Variants in RABEP1 observed in about 807,000 individuals in gnomAD.
RABEP1 encodes the protein rabaptin, RAB GTPase binding effector protein 1, also known as rab GTPase-binding effector protein 1.
Under a neutral mutation model 123.4 loss-of-function variants are expected in RABEP1, and 51 were observed. That is an observed-to-expected ratio of 0.41 (90% CI 0.33 to 0.52). The LOEUF (loss-of-function observed/expected upper bound fraction) is 0.52. Among genes scored for constraint, RABEP1 ranks in the 20% least tolerant of loss-of-function variants. RABEP1 has a pLI of 0.16. For synonymous variants in RABEP1, 347 were observed against 355.2 expected (o/e 0.98, Z 0.26); for missense variants, 888 against 996.3 (o/e 0.89, Z 1.46).
chr17:5,321,239 G>C (rs546607437), intron 2 of RABEP1, among the ~76,000 whole-genome samples: 1 of 152,118 alleles, frequency 6.6e-6, no homozygotes, highest in African/African-American at 2.4e-5. Context: ...CCCAGGAGAT[G>C]GAGACCAGCC....
rs1466732430 is a variant in RABEP1 at position 5,385,450 on chromosome 17, AG to A, written c.*2228del. ...TGTGGCTTTTAATTGACAGTCACTC[AG>A]CCATTTCTAAGCAGATATAGTAGTA... On this transcript the variant is annotated 3_prime_UTR_variant, in exon 18 of 18. Coordinates refer to ENST00000537505, the MANE Select transcript of RABEP1 (RefSeq NM_004703.6). 2.6e-5 allele frequency: 2 copies of A among 77,448 alleles called. No individual in the cohort carries two copies. Among genetic ancestry groups the A allele is most frequent in the East Asian group, 5.7e-4 (1 of 1,760 alleles). The allele number at this position is 77,448 out of a possible 1,614,324, so 4.8% of individuals were successfully genotyped here. A position where few individuals can be genotyped will look rare whatever the true frequency, so the allele number is the denominator to read the frequency against.
chr17:5,312,237 C>T (rs1291382573), intron 2 of RABEP1, among the ~76,000 whole-genome samples: 4 of 152,200 alleles, frequency 2.6e-5, no homozygotes, highest in African/African-American at 9.7e-5. Context: ...GCAACCTCTG[C>T]CCCACGGTTC....
chr17:5,349,344 A>T (rs191450976), intron 6 of RABEP1, among the ~76,000 whole-genome samples: 1 of 152,326 alleles, frequency 6.6e-6, no homozygotes, highest in African/African-American at 2.4e-5. Flanking sequence ...CAGAAGATAG[A>T]TATATCATAT....
In RABEP1 at chr17:5,308,787, G is replaced by T. The variant is rs752472234; in HGVS notation, c.128G>T (p.Arg43Ile). Residue 43 changes from arginine (R) to isoleucine (I), a missense_variant, in exon 2 of 18, where the codon AGA becomes ATA. Coordinates refer to ENST00000537505, the MANE Select transcript of RABEP1 (RefSeq NM_004703.6). ...QQLEQEFNQK[R>I]AKFKELYLAK... ...CTTGAACAAGAATTTAATCAAAAGA[G>T]AGCAAAATTTAAGGAGTTATATTTG... 1 of 1,610,726 alleles carries T rather than the reference G, an allele frequency of 6.2e-7. No homozygotes were observed. Among genetic ancestry groups the T allele is most frequent in the African/African-American group, 1.3e-5 (1 of 74,922 alleles).
intron 9 of RABEP1, 115 bp downstream of exon 9, chr17:5,361,790 C>A: frequency 3.5e-6 from 3 of 848,636 alleles, no homozygotes; most frequent in Non-Finnish European, 3.6e-6. Flanking sequence ...GCACATGTTG[C>A]CAGCAAGTGG....
intron 6 of RABEP1, among the ~76,000 whole-genome samples, chr17:5,348,948 A>G (rs1908298094): frequency 1.3e-5 from 2 of 152,190 alleles, no homozygotes; most frequent in African/African-American, 4.8e-5. Flanking sequence ...GTAGTTTTTA[A>G]TATATTCACA....
intron 10 of RABEP1, among the ~76,000 whole-genome samples, chr17:5,364,912 ATG>A (rs1909883505): frequency 6.6e-6 from 1 of 152,084 alleles, no homozygotes; most frequent in Non-Finnish European, 1.5e-5. Flanking sequence ...TTCAGATGAG[ATG>A]TGTGTGAAAA....
chr17:5,284,961 T>C (rs57556497), intron 1 of RABEP1, among the ~76,000 whole-genome samples: 3,242 of 152,120 alleles, frequency 0.021, 115 homozygotes, highest in African/African-American at 0.073. Flanking sequence ...GAAGCGATTG[T>C]CTTTGATGAC....
intron 11 of RABEP1, among the ~76,000 whole-genome samples, chr17:5,367,859 A>G (rs1031266445): frequency 1.5e-4 from 23 of 148,956 alleles, no homozygotes; most frequent in Non-Finnish European, 2.6e-4. Flanking sequence ...GTTTTCAAGC[A>G]ATTCTCCTGC....
At chr17:5,288,340 C>A (rs764986753) in intron 1 of RABEP1, among the ~76,000 whole-genome samples, 2 of 151,932 alleles carry the variant, frequency 1.3e-5, no homozygotes, top group Non-Finnish European at 2.9e-5. Flanking sequence ...TAGAGGTGTA[C>A]GGGAACCCAC....
chr17:5,380,371 C>A lies in RABEP1; in HGVS notation c.2279C>A (p.Ser760Tyr). 1 of 1,562,100 alleles carries A rather than the reference C, an allele frequency of 6.4e-7. No individual in the cohort carries two copies. The highest frequency in any genetic ancestry group is 1.2e-5 in the South Asian group (1 of 84,430). The change falls in exon 16 of 18, where the codon TCC becomes TAC. Residue 760 changes from serine (S) to tyrosine (Y), a missense_variant. Transcript: ENST00000537505. ...CTTTTTCCTTTTTCACAGTTGGAGT[C>A]CACATTAAGAGAGAAGTCTCAACAG... is the stretch of plus-strand genomic sequence containing the variant. ...RIKVEKGQLE[S>Y]TLREKSQQLE...
intron 1 of RABEP1, among the ~76,000 whole-genome samples, chr17:5,292,460 T>C (rs2075042686): frequency 6.6e-6 from 1 of 152,120 alleles, no homozygotes; most frequent in South Asian, 2.1e-4. Flanking sequence ...CGATCTTGGC[T>C]CACTGCTACC....
chr17:5,370,771 T>C (rs1910462817), intron 12 of RABEP1, among the ~76,000 whole-genome samples: 1 of 152,136 alleles, frequency 6.6e-6, no homozygotes, highest in African/African-American at 2.4e-5. Flanking sequence ...GGGGACAAAA[T>C]AGTTTCAGAA....
Position 5,316,899 on chromosome 17 carries a change from A to AT in RABEP1, c.163+8086dup, listed in dbSNP as rs1199608653. Among the ~76,000 whole-genome samples, 61 of 150,688 alleles carry AT rather than the reference A, an allele frequency of 4.0e-4. 1 individual carries two copies. The highest frequency in any genetic ancestry group is 7.4e-5 in the Non-Finnish European group (5 of 67,682). ...AATACAGAAATTGATAAATTTAAAAATTTTTTTTTAATGTTTATCTTTTGA... is the reference window on the plus strand; with the variant it reads ...AATACAGAAATTGATAAATTTAAAAATTTTTTTTTTAATGTTTATCTTTTGA... On this transcript the variant is annotated intron_variant, in intron 2 of 17. Transcript: ENST00000537505.
At chr17:5,378,884 T>TA (rs1911216025) in intron 15 of RABEP1, among the ~76,000 whole-genome samples, 1 of 152,202 alleles carries the variant, frequency 6.6e-6, no homozygotes, top group Non-Finnish European at 1.5e-5. Flanking sequence ...GGTTGCATCT[T>TA]ACTGGCCTGC....
At chr17:5,289,791 A>G (rs2075015683) in intron 1 of RABEP1, among the ~76,000 whole-genome samples, 2 of 152,174 alleles carry the variant, frequency 1.3e-5, no homozygotes, top group South Asian at 4.1e-4. Context: ...TTTGTAAATT[A>G]TAACTTGGTA....
At chr17:5,361,903 C>A in intron 9 of RABEP1, 1 of 492,758 alleles carries the variant, frequency 2.0e-6, no homozygotes, top group South Asian at 2.8e-5. Flanking sequence ...TGAATGTGAA[C>A]CTCCCCACCT....
At chr17:5,379,331 G>A (rs147722780) in intron 15 of RABEP1, among the ~76,000 whole-genome samples, 4 of 152,250 alleles carry the variant, frequency 2.6e-5, no homozygotes, top group Non-Finnish European at 5.9e-5. Flanking sequence ...GAGTATCTCC[G>A]ACTTTTCCAG....
At chr17:5,316,504 CA>C (rs1196676232) in intron 2 of RABEP1, among the ~76,000 whole-genome samples, 1 of 136,800 alleles carries the variant, frequency 7.3e-6, no homozygotes, top group African/African-American at 2.7e-5. Flanking sequence ...TAGACATTCG[CA>C]AAAAGAAAAC....
Sources: allele counts gnomAD v4.1 joint callset (sites outside exome capture counted in the v4.1 genomes callset), GRCh38; gene constraint gnomAD v4.1.1; transcripts MANE v1.5; gene names NCBI Gene and HGNC (gene_info 2026-07-23, HGNC 2026-07-21).